The following KCNJ6 variants were observed in gnomAD, a reference collection of about 807,000 sequenced individuals.
The protein encoded by KCNJ6 is potassium inwardly rectifying channel subfamily J member 6.
In KCNJ6, 9 loss-of-function variants were observed where a neutral mutation model predicts 34.2. The ratio of observed to expected loss-of-function variants is 0.26; its 90% CI spans 0.16 to 0.46. The LOEUF (loss-of-function observed/expected upper bound fraction) is 0.46. KCNJ6 is among the 20% of genes least tolerant of loss of function. KCNJ6 has a pLI of 1.00. For missense variants in KCNJ6, 236 were observed against 531.3 expected (o/e 0.44, Z 5.46); for synonymous variants, 196 against 207.1 (o/e 0.95, Z 0.46).
Position 37,613,391 on chromosome 21 carries a change from G to A in KCNJ6, c.*11768C>T, listed in dbSNP as rs1601386234. 2 of 152,582 alleles carry A rather than the reference G, an allele frequency of 1.3e-5. No homozygotes were observed. Among genetic ancestry groups the A allele is most frequent in the African/African-American group, 4.8e-5 (2 of 41,454 alleles). The allele number at this position is 152,582 out of a possible 1,614,324, so 9.5% of individuals were successfully genotyped here. Reference sequence around the variant, plus strand: ...AAGGCAGTTTGGCTGTGTCTTGCAAGACTAAATATAGCTTTAACATATCAT... The same window carrying A: ...AAGGCAGTTTGGCTGTGTCTTGCAAAACTAAATATAGCTTTAACATATCAT... On this transcript the variant is annotated 3_prime_UTR_variant, in exon 4 of 4. Coordinates refer to ENST00000609713, the MANE Select transcript of KCNJ6 (RefSeq NM_002240.5).
chr21:37,754,197 G>A (rs1419236660), intron 2 of KCNJ6, among the ~76,000 whole-genome samples: 1 of 152,144 alleles, frequency 6.6e-6, no homozygotes, highest in African/African-American at 2.4e-5. Context: ...CCATCTTTAG[G>A]GGAAGCTGCA....
chr21:37,607,482 A>ATATATATATATTTTTT lies in KCNJ6; in HGVS notation c.*17676_*17677insAAAAAATATATATATA. 451 of 136,688 alleles carry ATATATATATATTTTTT rather than the reference A, an allele frequency of 3.3e-3. No homozygotes were observed. The highest frequency in any genetic ancestry group is 8.7e-3 in the South Asian group (36 of 4,154). 8.5% of individuals were successfully genotyped at this position (136,688 alleles called of 1,614,324 possible). On this transcript the variant is annotated 3_prime_UTR_variant, in exon 4 of 4. Transcript: ENST00000609713. ...CTTAAAGATATATATATATATATATATTTTTTTTTTATTTTAAAAAAATTT... is the reference window on the plus strand; with the variant it reads ...CTTAAAGATATATATATATATATATATATATATATATTTTTTTTTTTTTTTTATTTTAAAAAAATTT...
intron 2 of KCNJ6, among the ~76,000 whole-genome samples, chr21:37,734,483 T>C (rs118142607): frequency 0.017 from 2,521 of 152,274 alleles, 33 homozygotes; most frequent in Non-Finnish European, 0.022. Context: ...TTGATCTGTC[T>C]TAACAAAAAG....
Position 37,624,172 on chromosome 21 carries a change from T to C in KCNJ6, c.*987A>G, listed in dbSNP as rs574943447. The C allele has an allele frequency of 6.6e-6, 1 of 152,360 alleles. No homozygotes were observed. The highest frequency in any genetic ancestry group is 1.9e-4 in the East Asian group (1 of 5,190). 9.4% of individuals were successfully genotyped at this position (152,360 alleles called of 1,614,324 possible). A position where few individuals can be genotyped will look rare whatever the true frequency, so the allele number is the denominator to read the frequency against. Reference sequence around the variant, plus strand: ...GGTATTCCCCCTCCTCCAGGCCAGTTAGTGAGGCCCTTGTTATCTTTTAAA... The same window carrying C: ...GGTATTCCCCCTCCTCCAGGCCAGTCAGTGAGGCCCTTGTTATCTTTTAAA... On this transcript the variant is annotated 3_prime_UTR_variant, in exon 4 of 4. Transcript: ENST00000609713.
At chr21:37,840,577 T>A (rs2055475259) in intron 2 of KCNJ6, 81 bp downstream of exon 2, 3 of 914,626 alleles carry the variant, frequency 3.3e-6, no homozygotes, top group Non-Finnish European at 5.3e-6. Context: ...AATCAGATCA[T>A]CACACGGGAT....
chr21:37,682,363 A>G (rs1627969), intron 3 of KCNJ6, among the ~76,000 whole-genome samples: 148,853 of 152,286 alleles, frequency 0.98, 72,786 homozygotes, highest in East Asian at 1. Flanking sequence ...CCGAGCCAGC[A>G]GGGTCAAAGA....
intron 2 of KCNJ6, among the ~76,000 whole-genome samples, chr21:37,770,847 CCTAT>C (rs549106820): frequency 3.2e-3 from 493 of 152,232 alleles, no homozygotes; most frequent in African/African-American, 5.4e-3. Context: ...TCTTTTATCT[CCTAT>C]CTAATTATCA....
chr21:37,761,000 T>C (rs555600017), intron 2 of KCNJ6, among the ~76,000 whole-genome samples: 23 of 152,268 alleles, frequency 1.5e-4, no homozygotes, highest in African/African-American at 4.8e-4. Context: ...AGAAGAAAGA[T>C]GCACTTTGTG....
At chr21:37,885,661 C>G (rs2055731945) in intron 1 of KCNJ6, among the ~76,000 whole-genome samples, 1 of 152,204 alleles carries the variant, frequency 6.6e-6, no homozygotes, top group Non-Finnish European at 1.5e-5. Context: ...CTGACAGCCA[C>G]AAGAATGGGA....
chr21:37,845,686 G>C (rs1415690803), intron 1 of KCNJ6, among the ~76,000 whole-genome samples: 1 of 152,156 alleles, frequency 6.6e-6, no homozygotes, highest in South Asian at 2.1e-4. Flanking sequence ...ACCTGTTCTT[G>C]CTATTTGAGG....
chr21:37,912,826 A>G (rs767186680), intron 1 of KCNJ6, among the ~76,000 whole-genome samples: 4 of 152,222 alleles, frequency 2.6e-5, no homozygotes, highest in Non-Finnish European at 5.9e-5. Context: ...CTCAGCATGC[A>G]ATATCTTTAG....
At chr21:37,750,567 T>G (rs1269843994) in intron 2 of KCNJ6, among the ~76,000 whole-genome samples, 1 of 152,234 alleles carries the variant, frequency 6.6e-6, no homozygotes, top group African/African-American at 2.4e-5. Context: ...GATAAGTTCA[T>G]GTCCTTTGCA....
intron 1 of KCNJ6, among the ~76,000 whole-genome samples, chr21:37,870,805 C>T (rs561807832): frequency 1.9e-4 from 29 of 152,126 alleles, no homozygotes; most frequent in Non-Finnish European, 3.5e-4. Flanking sequence ...ATGATGCCAT[C>T]GTCCATCATG....
chr21:37,795,461 A>G lies in KCNJ6; in HGVS notation c.25+45197T>C, dbSNP rs182317374. Among the ~76,000 whole-genome samples the G allele has an allele frequency of 2.2e-3, 341 of 152,276 alleles. 3 individuals are homozygous for G. The highest frequency in any genetic ancestry group is 7.7e-3 in the African/African-American group (318 of 41,554). ...TAAAGAAAGTAAGATTGCCACATAG[A>G]GGGCTGGACATGGTGGTTCATGGCT... On this transcript the variant is annotated intron_variant, in intron 2 of 3. Transcript: ENST00000609713.
intron 3 of KCNJ6, among the ~76,000 whole-genome samples, chr21:37,639,249 G>A (rs2054370917): frequency 6.6e-6 from 1 of 152,210 alleles, no homozygotes; most frequent in Admixed American, 6.5e-5. Flanking sequence ...AGTGATGGTA[G>A]CAGTCTTCCT....
chr21:37,664,288 TAGAG>T (rs2054503936), intron 3 of KCNJ6, among the ~76,000 whole-genome samples: 1 of 150,920 alleles, frequency 6.6e-6, no homozygotes, highest in South Asian at 2.1e-4. Context: ...TTTAAGAAAT[TAGAG>T]AGAAAAAGTA....
At chr21:37,863,295 C>T (rs2055603852) in intron 1 of KCNJ6, among the ~76,000 whole-genome samples, 1 of 152,186 alleles carries the variant, frequency 6.6e-6, no homozygotes, top group African/African-American at 2.4e-5. Context: ...TACTGTGCCT[C>T]CACAGTAACC....
intron 2 of KCNJ6, among the ~76,000 whole-genome samples, chr21:37,796,274 T>C (rs1358427610): frequency 6.6e-6 from 1 of 152,184 alleles, no homozygotes; most frequent in Non-Finnish European, 1.5e-5. Flanking sequence ...CTGCCTGTTC[T>C]TAGGAGCTTG....
At chr21:37,628,162 A>ACAGGAAGG (rs1556010564) in intron 3 of KCNJ6, among the ~76,000 whole-genome samples, 1 of 152,238 alleles carries the variant, frequency 6.6e-6, no homozygotes, top group Non-Finnish European at 1.5e-5. Flanking sequence ...TGTCCCATAC[A>ACAGGAAGG]CAGGAAGGCA....
Sources: allele counts gnomAD v4.1 joint callset (sites outside exome capture counted in the v4.1 genomes callset), GRCh38; gene constraint gnomAD v4.1.1; transcripts MANE v1.5; gene names NCBI Gene and HGNC (gene_info 2026-07-23, HGNC 2026-07-21).